Variants in HNF1B observed in about 807,000 individuals in gnomAD.
The protein encoded by HNF1B is HNF1 homeobox B, also known as hepatocyte nuclear factor 1-beta.
In HNF1B, 8 loss-of-function variants were observed where a neutral mutation model predicts 61.7. The observed-to-expected ratio is 0.13, with a 90% CI of 0.08 to 0.23. HNF1B has a LOEUF of 0.23. Ranked by LOEUF, HNF1B falls within the 10% of genes least tolerant of loss-of-function variation. The pLI, the probability that HNF1B is intolerant of heterozygous loss-of-function variation, is 1.00. For missense variants in HNF1B, 562 were observed against 714.5 expected (o/e 0.79, Z 2.43); for synonymous variants, 314 against 287.7 (o/e 1.09, Z -0.93).
In HNF1B at chr17:37,710,726, C is replaced by T. The variant is rs910662828; in HGVS notation, c.1046-63G>A. On this transcript the variant is annotated intron_variant, in intron 4 of 8. Coordinates refer to ENST00000617811, the MANE Select transcript of HNF1B (RefSeq NM_000458.4). The stretch of plus-strand genomic sequence containing the variant: ...CCACCAGGGTCCTGGAACAATGACT[C>T]GGCACCTCTTGTTTTCAAGGGTGGG... 68 of 1,520,692 alleles carry T rather than the reference C, an allele frequency of 4.5e-5. No homozygotes were observed. The Middle Eastern group carries it at 5.4e-4, about 12-fold the overall frequency. The allele number at this position is 1,520,692 out of a possible 1,614,324, so 94.2% of individuals were successfully genotyped here.
At chr17:37,710,424 G>T in intron 5 of HNF1B, 79 bp downstream of exon 5, 1 of 1,539,696 alleles carries the variant, frequency 6.5e-7, no homozygotes, top group Non-Finnish European at 9.0e-7. Context: ...ATTGTTTGAG[G>T]CAGGCCTTGT....
rs537197692 is a variant in HNF1B at position 37,705,047 on chromosome 17, G to T, written c.1209C>A (p.Ile403=). ...HNLLSPDGKM[I]SVSGGGLPPV... ...GGGGCAAACCTCCTCCTGAGACTGA[G>T]ATCTGATGGAGAGAAAAAAACAAGA... Residue 403 remains isoleucine (I), a splice_region_variant and synonymous_variant, in exon 6 of 9, where the codon ATC becomes ATA. Transcript: ENST00000617811. 1 of 1,613,676 alleles carries T rather than the reference G, an allele frequency of 6.2e-7. No individual in the cohort carries two copies. Among genetic ancestry groups the T allele is most frequent in the African/African-American group, 1.3e-5 (1 of 75,042 alleles).
intron 4 of HNF1B, among the ~76,000 whole-genome samples, chr17:37,726,477 A>G (rs1423214667): frequency 6.6e-6 from 1 of 152,162 alleles, no homozygotes; most frequent in Non-Finnish European, 1.5e-5. Flanking sequence ...CCTCTCGTTG[A>G]GTCACTACCT....
intron 8 of HNF1B, among the ~76,000 whole-genome samples, 167 bp from the exon 9 acceptor site, chr17:37,687,559 G>C (rs759398591): frequency 6.6e-6 from 1 of 152,178 alleles, no homozygotes; most frequent in Non-Finnish European, 1.5e-5. Context: ...TCATGCTGAG[G>C]CACACTTCCT....
intron 8 of HNF1B, among the ~76,000 whole-genome samples, chr17:37,698,711 C>T (rs1261929670): frequency 6.6e-6 from 1 of 152,174 alleles, no homozygotes; most frequent in Non-Finnish European, 1.5e-5. Flanking sequence ...GCATGAACCT[C>T]AGCAGGGGAT....
In HNF1B at chr17:37,732,971, G is replaced by A. The variant is rs146486092; in HGVS notation, c.809+586C>T. Among the ~76,000 whole-genome samples, 33 of 152,168 alleles carry A rather than the reference G, an allele frequency of 2.2e-4. No homozygotes were observed. In the East Asian group the frequency reaches 3.5e-3, roughly 16 times the overall value. On this transcript the variant is annotated intron_variant, in intron 3 of 8. Transcript: ENST00000617811. Reference sequence around the variant, plus strand: ...GCTGGGATTATAAGTGTGAGCCACCGTGCCTGGCTGGTAGTTAACAAGTAA... The same window carrying A: ...GCTGGGATTATAAGTGTGAGCCACCATGCCTGGCTGGTAGTTAACAAGTAA...
chr17:37,722,172 T>C (rs1000367424), intron 4 of HNF1B, among the ~76,000 whole-genome samples: 1 of 152,222 alleles, frequency 6.6e-6, no homozygotes, highest in African/African-American at 2.4e-5. Flanking sequence ...GCAGGGTTCA[T>C]GGAAAGGGAA....
intron 4 of HNF1B, among the ~76,000 whole-genome samples, chr17:37,715,264 G>A (rs2033067032): frequency 6.6e-6 from 1 of 152,178 alleles, no homozygotes; most frequent in East Asian, 1.9e-4. Context: ...TTTACTTGTT[G>A]CATCCTTATA....
At chr17:37,731,886 T>C (rs2033699808) in intron 3 of HNF1B, 56 bp from the exon 4 acceptor site, 1 of 1,190,082 alleles carries the variant, frequency 8.4e-7, no homozygotes, top group Admixed American at 1.7e-5. Context: ...GACTTGTTGG[T>C]GCTTGGCCAA....
At chr17:37,693,456 C>A (rs2032276581) in intron 8 of HNF1B, among the ~76,000 whole-genome samples, 1 of 152,180 alleles carries the variant, frequency 6.6e-6, no homozygotes, top group African/African-American at 2.4e-5. Flanking sequence ...TAGCTCAGGT[C>A]TGCTGGCGTT....
chr17:37,723,410 C>T (rs928887430), intron 4 of HNF1B, among the ~76,000 whole-genome samples: 1 of 152,096 alleles, frequency 6.6e-6, no homozygotes, highest in Admixed American at 6.5e-5. Context: ...AATTCATGGT[C>T]ATCTCGACTT....
chr17:37,720,918 T>G, intron 4 of HNF1B: 1 of 985,460 alleles, frequency 1.0e-6, no homozygotes. Flanking sequence ...GAACGGCCGC[T>G]CATTTCTGTC....
At position 37,686,841 on chromosome 17, in the gene HNF1B, CAG is replaced by C. The variant is rs1362411866; in HGVS notation, c.*529_*530del. ...TATACAGGGCAGAGGGGAGAGGACA[CAG>C]AGGGGAAATTGCACTTAATTACAGT... On this transcript the variant is annotated 3_prime_UTR_variant, in exon 9 of 9. Coordinates refer to ENST00000617811, the MANE Select transcript of HNF1B (RefSeq NM_000458.4). 3.7e-6 allele frequency: 1 copy of C among 267,748 alleles called. No individual in the cohort carries two copies. Among genetic ancestry groups the C allele is most frequent in the Non-Finnish European group, 7.3e-6 (1 of 136,956 alleles). The allele number at this position is 267,748 out of a possible 1,614,324, so 16.6% of individuals were successfully genotyped here. A position where few individuals can be genotyped will look rare whatever the true frequency, so the allele number is the denominator to read the frequency against.
intron 2 of HNF1B, among the ~76,000 whole-genome samples, chr17:37,736,491 A>G (rs770173031): frequency 1.6e-4 from 24 of 152,200 alleles, no homozygotes; most frequent in Non-Finnish European, 3.1e-4. Flanking sequence ...TGACTTGTCC[A>G]AAGTCATGTG....
intron 4 of HNF1B, chr17:37,728,720 C>T (rs1476591314): frequency 6.6e-6 from 1 of 151,482 alleles, no homozygotes; most frequent in African/African-American, 2.4e-5. Context: ...GCTCTACAGA[C>T]AGAAGCCACC....
rs75227420 is a variant in HNF1B at position 37,732,447 on chromosome 17, G to A, written c.810-617C>T. Among the ~76,000 whole-genome samples, 1,236 of 152,260 alleles carry A rather than the reference G, an allele frequency of 8.1e-3. 15 individuals are homozygous for A. The highest frequency in any genetic ancestry group is 0.028 in the African/African-American group (1,179 of 41,526). On this transcript the variant is annotated intron_variant, in intron 3 of 8. Transcript: ENST00000617811. Reference sequence around the variant, plus strand: ...GTGCTGCAAGGCATCTCATTAGTCGGGGTATGGAGCACAGCCTGAGGACTC... The same window carrying A: ...GTGCTGCAAGGCATCTCATTAGTCGAGGTATGGAGCACAGCCTGAGGACTC...
chr17:37,743,495 CACA>C (rs1156656244), intron 1 of HNF1B, among the ~76,000 whole-genome samples: 1 of 152,254 alleles, frequency 6.6e-6, no homozygotes, highest in Non-Finnish European at 1.5e-5. Flanking sequence ...GCCCTCGGAG[CACA>C]AATTCAAATG....
intron 8 of HNF1B, among the ~76,000 whole-genome samples, chr17:37,692,601 C>A (rs2147422461): frequency 6.8e-6 from 1 of 146,728 alleles, no homozygotes; most frequent in Non-Finnish European, 1.5e-5. Flanking sequence ...ACGGGTTCTG[C>A]ATTCATTCGT....
In HNF1B at chr17:37,701,505, C is replaced by A. The variant is rs539463415; in HGVS notation, c.1340-328G>T. Among the ~76,000 whole-genome samples the A allele has an allele frequency of 3.5e-4, 54 of 152,356 alleles. No homozygotes were observed. The South Asian group carries it at 8.5e-3, about 24-fold the overall frequency. On this transcript the variant is annotated intron_variant, in intron 6 of 8. Transcript: ENST00000617811. ...AAAAGCTGGCTCTACCTGCCCACTC[C>A]ATCCATGCCAGGCTGTGAGAGAGGC...
Sources: allele counts gnomAD v4.1 joint callset (sites outside exome capture counted in the v4.1 genomes callset), GRCh38; gene constraint gnomAD v4.1.1; transcripts MANE v1.5; gene names NCBI Gene and HGNC (gene_info 2026-07-23, HGNC 2026-07-21).